The following SYT7 variants were observed in gnomAD, a reference collection of about 807,000 sequenced individuals.
SYT7 encodes the protein synaptotagmin-7.
Under a neutral mutation model 75.1 loss-of-function variants are expected in SYT7, and 29 were observed. That is an observed-to-expected ratio of 0.39 (90% CI 0.29 to 0.53). SYT7 has a LOEUF of 0.53. SYT7 is among the 20% of genes least tolerant of loss of function. SYT7 has a pLI of 0.77. For missense variants in SYT7, 693 were observed against 953.2 expected (o/e 0.73, Z 3.59); for synonymous variants, 376 against 401.7 (o/e 0.94, Z 0.76).
intron 4 of SYT7, 121 bp downstream of exon 4, chr11:61,547,056 G>A (rs1387918151): frequency 2.4e-6 from 3 of 1,274,816 alleles, no homozygotes; most frequent in Non-Finnish European, 3.2e-6. Flanking sequence ...GGGAAGTTGG[G>A]GGACAGGAGC....
chr11:61,540,462 G>T, intron 6 of SYT7: 1 of 953,048 alleles, frequency 1.0e-6, no homozygotes, highest in Non-Finnish European at 1.2e-6. Context: ...CATGCCTCTT[G>T]CAAAGCCTAA....
At position 61,546,147 on chromosome 11, in the gene SYT7, G is replaced by A. The variant is rs969470690; in HGVS notation, c.456C>T (p.Asp152=). Residue 152 remains aspartate (D), a synonymous_variant, in exon 5 of 13, where the codon GAC becomes GAT. Coordinates refer to ENST00000539008, the MANE Select transcript of SYT7 (RefSeq NM_001365809.2). This position sits in a 1 kb window ranked among gnomAD's most constrained non-coding sequence, Gnocchi z 7.6. ...GGGCAGCCCCGCCGCTTCTCAAGGC[G>A]TCCTCTCCGGGTGGCGGCACCGGTG... is the stretch of plus-strand genomic sequence containing the variant. ...KPAPVPPPGE[D]ALRSGGAAPS... 23 of 1,528,446 alleles carry A rather than the reference G, an allele frequency of 1.5e-5. No individual in the cohort carries two copies. Among genetic ancestry groups the A allele is most frequent in the Admixed American group, 4.0e-5 (2 of 50,556 alleles). The allele number at this position is 1,528,446 out of a possible 1,614,324, so 94.7% of individuals were successfully genotyped here.
In SYT7 at chr11:61,538,285, C is replaced by G. The variant is rs1349715891; in HGVS notation, c.942-19G>C. ...GCCTTCCCTGCCCGGGGAGGGCAGC[C>G]CACAGGCCAGGGTGAAACGAGGAGG... On this transcript the variant is annotated intron_variant, in intron 6 of 12. Transcript: ENST00000539008. 1 of 1,494,618 alleles carries G rather than the reference C, an allele frequency of 6.7e-7. No homozygotes were observed. Among genetic ancestry groups the G allele is most frequent in the Admixed American group, 2.0e-5 (1 of 49,066 alleles). 92.6% of individuals were successfully genotyped at this position (1,494,618 alleles called of 1,614,324 possible). A position where few individuals can be genotyped will look rare whatever the true frequency, so the allele number is the denominator to read the frequency against.
rs1279780514 is a variant in SYT7 at position 61,551,148 on chromosome 11, A to AG, written c.215+235dup. ...GTGGGCGCAGAAGGTGCTGGCGGTGAGGGCAGCGGAAACGGAGGCCAGGGA... is the reference window on the plus strand; with the variant it reads ...GTGGGCGCAGAAGGTGCTGGCGGTGAGGGGCAGCGGAAACGGAGGCCAGGGA... On this transcript the variant is annotated intron_variant, in intron 3 of 12. Transcript: ENST00000539008. The surrounding 1 kb of genome is among the most constrained non-coding windows in gnomAD (Gnocchi z 5.3). Among the ~76,000 whole-genome samples, 1 of 152,068 alleles carries AG rather than the reference A, an allele frequency of 6.6e-6. No homozygotes were observed. The highest frequency in any genetic ancestry group is 1.5e-5 in the Non-Finnish European group (1 of 67,992).
Position 61,546,217 on chromosome 11 carries a change from G to A in SYT7, c.386C>T (p.Ala129Val), listed in dbSNP as rs1394523281. The A allele has an allele frequency of 1.8e-5, 27 of 1,468,244 alleles. No individual in the cohort carries two copies. The highest frequency in any genetic ancestry group is 4.7e-4 in the Middle Eastern group (2 of 4,254). The allele number at this position is 1,468,244 out of a possible 1,614,324, so 91.0% of individuals were successfully genotyped here. ...GCCTTCCCGCTCCACCGCCAGCCCC[G>A]CCGCGGCGGCCACTTTGGCGCCCGA... Reference protein sequence around the residue: ...LLSGAKVAAAAGLAVEREGRL... With the variant: ...LLSGAKVAAAVGLAVEREGRL... Residue 129 changes from alanine (A) to valine (V), a missense_variant, in exon 5 of 13, where the codon GCG becomes GTG. Physicochemically the swap from Ala to Val is moderately conservative, Grantham distance 64 (BLOSUM62 0). This residue lies in a region of SYT7 where 487 missense variants were observed against 593.2 expected (regional missense o/e 0.82). Coordinates refer to ENST00000539008, the MANE Select transcript of SYT7 (RefSeq NM_001365809.2). This position sits in a 1 kb window ranked among gnomAD's most constrained non-coding sequence, Gnocchi z 7.6.
At chr11:61,536,348 G>A (rs1476569550) in intron 7 of SYT7, among the ~76,000 whole-genome samples, 1 of 152,156 alleles carries the variant, frequency 6.6e-6, no homozygotes, top group Admixed American at 6.5e-5. Context: ...TTAACACATG[G>A]GTGATGTGAA....
chr11:61,538,348 A>G (rs1268469151), intron 6 of SYT7, 82 bp from the exon 7 acceptor site: 705 of 436,574 alleles, frequency 1.6e-3, no homozygotes, highest in Non-Finnish European at 2.1e-3. Context: ...AGAGAGAGGG[A>G]GAGAGAGAGA....
rs535919653 is a variant in SYT7 at position 61,551,469 on chromosome 11, G to A, written c.136-6C>T. On this transcript the variant is annotated splice_region_variant and splice_polypyrimidine_tract_variant and intron_variant, in intron 2 of 12. Transcript: ENST00000539008. This position sits in a 1 kb window ranked among gnomAD's most constrained non-coding sequence, Gnocchi z 5.3. ...GAATTCTTGTAGCGTTTGCCCTGTG[G>A]AGATAGCACTAGGATCACTCCTGGG... 51 of 1,613,612 alleles carry A rather than the reference G, an allele frequency of 3.2e-5. 1 individual carries two copies. The South Asian group carries it at 5.3e-4, about 17-fold the overall frequency.
At chr11:61,571,640 C>T (rs748439394) in intron 1 of SYT7, among the ~76,000 whole-genome samples, 19 of 152,250 alleles carry the variant, frequency 1.2e-4, no homozygotes, top group Non-Finnish European at 2.4e-4. Context: ...AAGCGGGCAC[C>T]TTCTCCAGGA....
chr11:61,568,191 C>T (rs1348435643), intron 1 of SYT7, among the ~76,000 whole-genome samples: 1 of 145,226 alleles, frequency 6.9e-6, no homozygotes, highest in African/African-American at 2.9e-5. Flanking sequence ...CCTGTTCCCC[C>T]ACCCTACAGG....
intron 1 of SYT7, among the ~76,000 whole-genome samples, chr11:61,571,704 C>T (rs1462216636): frequency 5.3e-5 from 8 of 152,238 alleles, no homozygotes; most frequent in Admixed American, 4.6e-4. Context: ...TGCCAGCCAA[C>T]CTGGGGGTGG....
chr11:61,519,742 G>T (rs539946277), intron 12 of SYT7, among the ~76,000 whole-genome samples: 1 of 152,310 alleles, frequency 6.6e-6, no homozygotes, highest in Admixed American at 6.5e-5. Flanking sequence ...GCTGCGTAAG[G>T]GGTAGATGGG....
At chr11:61,540,954 A>G in intron 6 of SYT7, 1 of 985,426 alleles carries the variant, frequency 1.0e-6, no homozygotes, top group Non-Finnish European at 1.2e-6. Flanking sequence ...AGTGGGGTAG[A>G]GCCCCAGAGA....
At chr11:61,571,287 G>A (rs2063913964) in intron 1 of SYT7, among the ~76,000 whole-genome samples, 1 of 152,240 alleles carries the variant, frequency 6.6e-6, no homozygotes, top group South Asian at 2.1e-4. Context: ...GAAGTGAGGT[G>A]TGTTAGCTCA....
At chr11:61,533,267 C>G in intron 7 of SYT7, 143 bp from the exon 8 acceptor site, 1 of 1,420,378 alleles carries the variant, frequency 7.0e-7, no homozygotes. Flanking sequence ...CTCCAGTCCA[C>G]GTGGACACCT....
chr11:61,528,146 A>G lies in SYT7; in HGVS notation c.1240T>C (p.Cys414Arg). Residue 414 changes from cysteine (C) to arginine (R), a missense_variant, in exon 9 of 13, where the codon TGC (cysteine) becomes CGC (arginine). Around this residue, in one of 2 missense-constraint regions of SYT7, gnomAD observed 487 missense variants for 593.2 expected, o/e 0.82. Coordinates refer to ENST00000539008, the MANE Select transcript of SYT7 (RefSeq NM_001365809.2). ...ATCCGGCCCAGGTTCTCTCGGCTGC[A>G]ACCCTCGTGGGCCTCATCCTCCTCG... is the stretch of plus-strand genomic sequence containing the variant. ...GSEEDEAHEG[C>R]SRENLGRIQF... is the part of the protein sequence containing the mutation. 1 of 1,612,890 alleles carries G rather than the reference A, an allele frequency of 6.2e-7. No homozygotes were observed. Among genetic ancestry groups the G allele is most frequent in the Non-Finnish European group, 8.5e-7 (1 of 1,179,996 alleles).
At position 61,542,296 on chromosome 11, in the gene SYT7, C is replaced by G; in HGVS notation, c.856G>C (p.Gly286Arg). 1.3e-6 allele frequency: 2 copies of G among 1,534,504 alleles called. No homozygotes were observed. The highest frequency in any genetic ancestry group is 2.5e-5 in the East Asian group (1 of 40,702). Residue 286 changes from glycine to arginine, a missense_variant, in exon 6 of 13, where the codon GGG (glycine) becomes CGG (arginine). Gly to Arg is a moderately radical substitution (Grantham distance 125). This residue lies in a region of SYT7 where 487 missense variants were observed against 593.2 expected (regional missense o/e 0.82). Coordinates refer to ENST00000539008, the MANE Select transcript of SYT7 (RefSeq NM_001365809.2). The surrounding 1 kb of genome is among the most constrained non-coding windows in gnomAD (Gnocchi z 7.8). ...CCTGGGTTGGAGCGGCTGCGGCCCC[C>G]TGCCGCCCGGTACTTGGAGCCGGCC... The part of the protein sequence containing the change: ...TSAGSKYRAA[G>R]GRSRSNPGSW...
chr11:61,558,184 T>A (rs1384072919), intron 1 of SYT7, among the ~76,000 whole-genome samples: 1 of 152,202 alleles, frequency 6.6e-6, no homozygotes, highest in Non-Finnish European at 1.5e-5. Flanking sequence ...TGAGTGGGCA[T>A]GGTGGCTCAT....
chr11:61,524,363 A>G lies in SYT7; in HGVS notation c.1641T>C (p.Ser547=), dbSNP rs766033110. The stretch of plus-strand genomic sequence containing the variant: ...CTAAGACCCACCCATGGGGCCTTAC[A>G]CTCCCATCGCTGCATGGCTTCAGAT... ...WKDLKPCSDG[S]GSRGELLLSL... is the part of the protein sequence containing the mutation. Residue 547 remains serine (S), a splice_region_variant and synonymous_variant, in exon 10 of 13, where the codon AGT becomes AGC. Transcript: ENST00000539008. The surrounding 1 kb of genome is among the most constrained non-coding windows in gnomAD (Gnocchi z 4.1). 1 of 1,613,760 alleles carries G rather than the reference A, an allele frequency of 6.2e-7. No individual in the cohort carries two copies. Among genetic ancestry groups the G allele is most frequent in the Non-Finnish European group, 8.5e-7 (1 of 1,179,908 alleles).
Sources: gnomAD v4.1 joint callset for allele counts (sites outside exome capture counted in the v4.1 genomes callset) on GRCh38, gnomAD v4.1.1 for gene constraint, gnomAD v4.1.1 regional missense constraint, Gnocchi (gnomAD v3.1) non-coding constraint, MANE v1.5 for transcripts, NCBI Gene and HGNC (gene_info 2026-07-23, HGNC 2026-07-21) for gene names.